KANK1: variants seen among roughly 807,000 people sequenced by gnomAD.
The protein encoded by KANK1 is KN motif and ankyrin repeat domain-containing protein 1.
KANK1 carries 109 observed loss-of-function variants against 106.2 expected under a neutral mutation model. The observed-to-expected ratio is 1.03, with a 90% confidence interval of 0.88 to 1.20. The LOEUF is 1.20. Among genes scored for constraint, KANK1 ranks in the 50% most tolerant of loss-of-function variants. The probability of loss-of-function intolerance (pLI) is 0.00; values close to 1 mark genes in which losing one functional copy is unlikely to be tolerated. For synonymous variants in KANK1, 873 were observed against 652.2 expected (o/e 1.34, Z -5.16); for missense variants, 2,399 against 1,710.7 (o/e 1.40, Z -7.10).
chr9:616,289 C>T (rs1484479493), intron 1 of KANK1, among the ~76,000 whole-genome samples: 1 of 152,134 alleles, frequency 6.6e-6, no homozygotes. Context: ...AGTGAGTCCT[C>T]AGCATTTAGG....
At chr9:505,255 A>G (rs967080919) in intron 1 of KANK1, among the ~76,000 whole-genome samples, 6 of 152,086 alleles carry the variant, frequency 3.9e-5, no homozygotes, top group African/African-American at 1.4e-4. Flanking sequence ...AGTGGCGGTC[A>G]AGACCCCTTT....
At chr9:557,612 T>C (rs1052502271) in intron 1 of KANK1, among the ~76,000 whole-genome samples, 1 of 152,210 alleles carries the variant, frequency 6.6e-6, no homozygotes, top group Non-Finnish European at 1.5e-5. Context: ...TATGATCTCA[T>C]GGCCACAGAT....
chr9:547,480 C>G (rs1404791814), intron 1 of KANK1: 1 of 143,158 alleles, frequency 7.0e-6, no homozygotes, highest in Non-Finnish European at 1.6e-5. Context: ...AGCAATGAGA[C>G]TGGGTTAAAA....
chr9:571,962 G>C (rs2804268), intron 1 of KANK1, among the ~76,000 whole-genome samples: 143,247 of 152,150 alleles, frequency 0.94, 67,474 homozygotes, highest in East Asian at 1. Flanking sequence ...ACTTGTGGGT[G>C]TAGGTGCAGA....
chr9:518,819 A>AG (rs2059416488), intron 1 of KANK1, among the ~76,000 whole-genome samples: 1 of 151,712 alleles, frequency 6.6e-6, no homozygotes, highest in South Asian at 2.1e-4. Context: ...AGGCAGGCTC[A>AG]GGGACCCAAG....
intron 1 of KANK1, among the ~76,000 whole-genome samples, chr9:610,737 C>T (rs866453195): frequency 6.6e-6 from 1 of 152,084 alleles, no homozygotes; most frequent in East Asian, 1.9e-4. Flanking sequence ...TTGGAAAGCT[C>T]GGAGGGTTAG....
intron 1 of KANK1, among the ~76,000 whole-genome samples, chr9:525,288 C>T (rs561599070): frequency 3.3e-5 from 5 of 151,480 alleles, no homozygotes; most frequent in South Asian, 2.1e-4. Flanking sequence ...AGCTACTGCT[C>T]CCAGCCAACT....
At chr9:608,723 G>A (rs1259649746) in intron 1 of KANK1, among the ~76,000 whole-genome samples, 8 of 152,124 alleles carry the variant, frequency 5.3e-5, no homozygotes. Flanking sequence ...AGTTATTAGG[G>A]TGTGGCTGAC....
chr9:546,843 T>C (rs564834952), intron 1 of KANK1, among the ~76,000 whole-genome samples: 1 of 152,250 alleles, frequency 6.6e-6, no homozygotes, highest in South Asian at 2.1e-4. Context: ...TTGATAAGGC[T>C]CTAATGCATA....
At chr9:471,941 G>A (rs1330503251) in intron 2 of KANK1, among the ~76,000 whole-genome samples, 2 of 152,028 alleles carry the variant, frequency 1.3e-5, no homozygotes, top group Admixed American at 1.3e-4. Flanking sequence ...CCGAGCACAA[G>A]GACAGTAAGA....
At chr9:649,191 T>C (rs778271333) in intron 1 of KANK1, among the ~76,000 whole-genome samples, 1 of 152,176 alleles carries the variant, frequency 6.6e-6, no homozygotes, top group Non-Finnish European at 1.5e-5. Context: ...ATAGCAGTCT[T>C]CCAGTATTTC....
intron 1 of KANK1, among the ~76,000 whole-genome samples, chr9:640,022 T>A (rs1167322185): frequency 1.3e-5 from 2 of 152,178 alleles, no homozygotes; most frequent in Non-Finnish European, 2.9e-5. Context: ...ATGTAAATCT[T>A]GGGAGACACA....
chr9:693,517 G>C (rs901588750), intron 2 of KANK1: 1 of 985,300 alleles, frequency 1.0e-6, no homozygotes, highest in Non-Finnish European at 1.2e-6. Flanking sequence ...GATGAGAGAG[G>C]GCTTTGCCTC....
rs2058680239 is a variant in KANK1, at chr9:505,020, AGCG to A, written c.-84+273_-84+275del. Among the ~76,000 whole-genome samples the A allele has an allele frequency of 1.3e-5, 2 of 151,284 alleles. 1 individual carries two copies. Among genetic ancestry groups the A allele is most frequent in the East Asian group, 3.9e-4 (2 of 5,126 alleles). On this transcript the variant is annotated intron_variant, in intron 1 of 11. Transcript: ENST00000382297. Reference sequence around the variant, plus strand: ...GCCGTCGGAGTTTGGCGCGCTCTGCAGCGGCGGCGCTCGGCCGGTCTGGAGGAG... The same window carrying A: ...GCCGTCGGAGTTTGGCGCGCTCTGCAGCGGCGCTCGGCCGGTCTGGAGGAG...
chr9:511,468 C>G (rs1024524455), intron 1 of KANK1, among the ~76,000 whole-genome samples: 4 of 152,160 alleles, frequency 2.6e-5, no homozygotes, highest in African/African-American at 9.7e-5. Flanking sequence ...CTAAACCTCT[C>G]TGTGTGTCAA....
At chr9:499,760 G>C (rs2132445204), upstream of KANK1, among the ~76,000 whole-genome samples, 1 of 152,310 alleles carries the variant, frequency 6.6e-6, no homozygotes, top group East Asian at 1.9e-4. Context: ...ATCAATAGGA[G>C]AAATGCATAC....
intron 1 of KANK1, among the ~76,000 whole-genome samples, chr9:596,291 ACCCACATCCCTGTGTATGGG>A (rs1489104523): frequency 6.6e-6 from 1 of 151,830 alleles, no homozygotes; most frequent in Non-Finnish European, 1.5e-5. Flanking sequence ...TTGAGTTCCT[ACCCACATCCCTGTGTATGGG>A]CTCTAGAAGC....
intron 1 of KANK1, among the ~76,000 whole-genome samples, chr9:563,487 T>C (rs1181540088): frequency 6.6e-6 from 1 of 152,230 alleles, no homozygotes; most frequent in African/African-American, 2.4e-5. Flanking sequence ...ACTAGTAATA[T>C]GTTGTTAACT....
At position 711,981 on chromosome 9, in the gene KANK1, C is replaced by T. The variant is rs757879591; in HGVS notation, c.1215C>T (p.Ala405=). 3.1e-6 allele frequency: 5 copies of T among 1,614,056 alleles called. No homozygotes were observed. Among genetic ancestry groups the T allele is most frequent in the South Asian group, 1.1e-5 (1 of 91,052 alleles). ...NGECRSVAVG[A]EENMNDIVVY... Reference sequence around the variant, plus strand: ...AGTGCCGGTCTGTGGCTGTGGGTGCCGAGGAGAACATGAACGACATCGTCG... The same window carrying T: ...AGTGCCGGTCTGTGGCTGTGGGTGCTGAGGAGAACATGAACGACATCGTCG... Residue 405 remains alanine (A), a synonymous_variant, in exon 3 of 12, where the codon GCC becomes GCT. Transcript: ENST00000382297.
Sources: gnomAD v4.1 joint callset for allele counts (sites outside exome capture counted in the v4.1 genomes callset) on GRCh38, gnomAD v4.1.1 for gene constraint, MANE v1.5 for transcripts, NCBI Gene and HGNC (gene_info 2026-07-23, HGNC 2026-07-21) for gene names.